The following SLC26A3 variants were observed in gnomAD, a reference collection of about 807,000 sequenced individuals.
SLC26A3 encodes the protein chloride anion exchanger.
SLC26A3 carries 64 observed loss-of-function variants against 85.6 expected under a neutral mutation model. The ratio of observed to expected loss-of-function variants is 0.75; its 90% confidence interval spans 0.61 to 0.92. The LOEUF is 0.92. Ranked by LOEUF, SLC26A3 falls within the 40% of genes least tolerant of loss-of-function variation. The probability of loss-of-function intolerance (pLI) is 0.00; values close to 1 mark genes in which losing one functional copy is unlikely to be tolerated. For missense variants in SLC26A3, 922 were observed against 927.3 expected, an observed-to-expected ratio of 0.99 and a Z score of 0.07; for synonymous variants, 349 against 336.0, an observed-to-expected ratio of 1.04 and a Z score of -0.42.
In SLC26A3 at chr7:107,769,836, T is replaced by C. The variant is rs559023129; in HGVS notation, c.2063-1928A>G. On this transcript the variant is annotated intron_variant, in intron 18 of 20. Transcript: ENST00000340010. ...CCAATTTTATACTTTTCGAAGGATA[T>C]GTGTACCACTTGTCTCCTCTCCCTA... 5.9e-4 allele frequency among the ~76,000 whole-genome samples: 90 copies of C among 152,208 alleles called. 1 individual carries two copies. Among genetic ancestry groups the C allele is most frequent in the Admixed American group, 5.9e-3 (90 of 15,280 alleles).
chr7:107,781,238 C>T (rs559703793), intron 11 of SLC26A3, among the ~76,000 whole-genome samples: 4 of 152,216 alleles, frequency 2.6e-5, no homozygotes, highest in South Asian at 2.1e-4. Context: ...GAAGAGAAAA[C>T]GCTTAGAGCT....
At chr7:107,783,379 A>G (rs1794242472) in intron 8 of SLC26A3, 27 bp from the exon 9 acceptor site, 1 of 1,613,828 alleles carries the variant, frequency 6.2e-7, no homozygotes, top group Non-Finnish European at 8.5e-7. Flanking sequence ...GCAAGTCTGA[A>G]TGTCACCAAC....
In SLC26A3 at chr7:107,782,885, A is replaced by G. The variant is rs1794234506; in HGVS notation, c.1234-11T>C. 6.2e-7 allele frequency: 1 copy of G among 1,607,962 alleles called. No individual in the cohort carries two copies. Among genetic ancestry groups the G allele is most frequent in the Non-Finnish European group, 8.5e-7 (1 of 1,179,484 alleles). On this transcript the variant is annotated splice_polypyrimidine_tract_variant and intron_variant, in intron 10 of 20. Coordinates refer to ENST00000340010, the MANE Select transcript of SLC26A3 (RefSeq NM_000111.3). ...AATAAGCCCAGCAATCTGTGAGGAT[A>G]AAAAAATTATCATCACCAACTCAAC...
At chr7:107,798,373 ACTT>A (rs1467862933) in intron 1 of SLC26A3, among the ~76,000 whole-genome samples, 2 of 151,752 alleles carry the variant, frequency 1.3e-5, no homozygotes, top group Non-Finnish European at 2.9e-5. Context: ...CCTCCCCACC[ACTT>A]CAAGTTCCAC....
rs759616448 is a variant in SLC26A3 at position 107,782,848 on chromosome 7, G to A, written c.1260C>T (p.Ile420=). Residue 420 remains isoleucine (I), a synonymous_variant, in exon 11 of 21, where the codon ATC becomes ATT. Coordinates refer to ENST00000340010, the MANE Select transcript of SLC26A3 (RefSeq NM_000111.3). ...TQIAGLIGAI[I]VLIVVLAIGF... ...CAATGGCTAGAACGACAATCAGCAC[G>A]ATGATGGCACCAATAAGCCCAGCAA... 14 of 1,613,998 alleles carry A rather than the reference G, an allele frequency of 8.7e-6. No homozygotes were observed. The highest frequency in any genetic ancestry group is 4.5e-5 in the East Asian group (2 of 44,890).
chr7:107,781,117 G>T (rs1267991120), intron 11 of SLC26A3, among the ~76,000 whole-genome samples: 1 of 152,120 alleles, frequency 6.6e-6, no homozygotes, highest in African/African-American at 2.4e-5. Context: ...ATATACAACA[G>T]ATTACTTTTA....
Position 107,793,735 on chromosome 7 carries a change from A to G in SLC26A3, c.271+7T>C. The G allele has an allele frequency of 1.2e-5, 19 of 1,608,708 alleles. No individual in the cohort carries two copies. The highest frequency in any genetic ancestry group is 1.6e-5 in the Non-Finnish European group (19 of 1,176,864). On this transcript the variant is annotated splice_region_variant and intron_variant, in intron 3 of 20. Transcript: ENST00000340010. ...TGTATATAAATTATACTTAAAAAAA[A>G]TTTTACCTTGTAGTACGGCCACAAT...
chr7:107,796,475 C>G (rs1467025716), intron 1 of SLC26A3, among the ~76,000 whole-genome samples: 1 of 152,138 alleles, frequency 6.6e-6, no homozygotes, highest in African/African-American at 2.4e-5. Context: ...CTTGTTTTCT[C>G]TTTTGTTTCC....
At chr7:107,785,279 T>C (rs532166210) in intron 8 of SLC26A3, among the ~76,000 whole-genome samples, 1 of 152,220 alleles carries the variant, frequency 6.6e-6, no homozygotes, top group Admixed American at 6.5e-5. Context: ...TTTTTGGTAA[T>C]GTGCTCAAGC....
intron 11 of SLC26A3, among the ~76,000 whole-genome samples, chr7:107,780,278 C>G (rs895425703): frequency 1.3e-5 from 2 of 152,058 alleles, no homozygotes; most frequent in Admixed American, 6.6e-5. Flanking sequence ...TCCCCAGAAC[C>G]TACTATGTTA....
rs767335781 is a variant in SLC26A3, at chr7:107,794,479, C to A, written c.31G>T (p.Val11Leu). 4 of 1,614,062 alleles carry A rather than the reference C, an allele frequency of 2.5e-6. No individual in the cohort carries two copies. The East Asian group carries it at 8.9e-5, about 36-fold the overall frequency. Residue 11 changes from valine to leucine, a missense_variant, in exon 2 of 21, where the codon GTG (valine) becomes TTG (leucine). Coordinates refer to ENST00000340010, the MANE Select transcript of SLC26A3 (RefSeq NM_000111.3). ...TTTGTAGAATACACTGGCCTGGCCACAATATACTGATTCCCAAAGGGTTCA... is the reference window on the plus strand; with the variant it reads ...TTTGTAGAATACACTGGCCTGGCCAAAATATACTGATTCCCAAAGGGTTCA... Reference protein sequence around the residue: MIEPFGNQYIVARPVYSTNAF... With the variant: MIEPFGNQYILARPVYSTNAF...
chr7:107,789,756 CAA>C, intron 5 of SLC26A3, 68 bp from the exon 6 acceptor site: 2 of 1,472,004 alleles, frequency 1.4e-6, no homozygotes, highest in Non-Finnish European at 1.9e-6. Context: ...CAAGGATCCG[CAA>C]CTGAAATAAT....
At chr7:107,790,922 G>T in intron 5 of SLC26A3, 126 bp downstream of exon 5, 2 of 982,660 alleles carry the variant, frequency 2.0e-6, no homozygotes, top group Non-Finnish European at 3.2e-6. Flanking sequence ...TTTCCTATGG[G>T]CCATGAGGGA....
intron 16 of SLC26A3, among the ~76,000 whole-genome samples, chr7:107,774,483 G>C (rs1794078410): frequency 6.6e-6 from 1 of 152,176 alleles, no homozygotes; most frequent in Admixed American, 6.5e-5. Flanking sequence ...GAGTCTGGGA[G>C]GTCAAGGCTG....
intron 5 of SLC26A3, 81 bp downstream of exon 5, chr7:107,790,967 A>C (rs1794387675): frequency 7.0e-7 from 1 of 1,419,756 alleles, no homozygotes; most frequent in Non-Finnish European, 9.8e-7. Context: ...GAGGAGTGGC[A>C]GGGGGGAGGA....
Position 107,794,494 on chromosome 7 carries a change from C to T in SLC26A3, c.16G>A (p.Gly6Arg), listed in dbSNP as rs1182988182. 2.5e-6 allele frequency: 4 copies of T among 1,614,008 alleles called. No homozygotes were observed. In the South Asian group the frequency reaches 3.3e-5, roughly 13 times the overall value. Residue 6 changes from glycine (G) to arginine (R), a missense_variant, in exon 2 of 21, where the codon GGG becomes AGG. Transcript: ENST00000340010. ...GGCCTGGCCACAATATACTGATTCC[C>T]AAAGGGTTCAATCATTTTGATTTTT... MIEPF[G>R]NQYIVARPVY...
At position 107,778,174 on chromosome 7, in the gene SLC26A3, C is replaced by T. The variant is rs746758186; in HGVS notation, c.1514+1G>A. 14 of 1,608,756 alleles carry T rather than the reference C, an allele frequency of 8.7e-6. No individual in the cohort carries two copies. The highest frequency in any genetic ancestry group is 1.7e-5 in the Admixed American group (1 of 59,938). ...GGATGCAGAGCACTTTGAGCACTCA[C>T]AATTGGGTCCTGAACACGATGGTTA... On this transcript the variant is annotated splice_donor_variant, in intron 13 of 20. Coordinates refer to ENST00000340010, the MANE Select transcript of SLC26A3 (RefSeq NM_000111.3). LOFTEE classifies it high-confidence loss of function.
At chr7:107,787,005 T>C (rs1794307558) in intron 7 of SLC26A3, 96 bp from the exon 8 acceptor site, 1 of 1,039,874 alleles carries the variant, frequency 9.6e-7, no homozygotes, top group Non-Finnish European at 1.5e-6. Flanking sequence ...CTTCTGTACC[T>C]GTTAAGTAAG....
chr7:107,772,364 T>C (rs2037411871), intron 17 of SLC26A3, among the ~76,000 whole-genome samples: 1 of 152,142 alleles, frequency 6.6e-6, no homozygotes, highest in South Asian at 2.1e-4. Context: ...TATGGGAAAA[T>C]GTTCTGTCTC....
Sources: gnomAD v4.1 joint callset for allele counts (sites outside exome capture counted in the v4.1 genomes callset) on GRCh38, gnomAD v4.1.1 for gene constraint, MANE v1.5 for transcripts, NCBI Gene and HGNC (gene_info 2026-07-23, HGNC 2026-07-21) for gene names.